The following NSD3 variants were observed in gnomAD, a reference collection of about 807,000 sequenced individuals.
NSD3 encodes histone-lysine N-methyltransferase NSD3.
A neutral mutation model predicts 160.8 loss-of-function variants in NSD3; 24 were observed. That is an observed-to-expected ratio of 0.15 (90% CI 0.11 to 0.21). The LOEUF (loss-of-function observed/expected upper bound fraction) is 0.21. Among genes scored for constraint, NSD3 ranks in the 10% least tolerant of loss-of-function variants. NSD3 has a pLI of 1.00. For synonymous variants in NSD3, 520 were observed against 600.0 expected, an observed-to-expected ratio of 0.87 and a Z score of 1.95; for missense variants, 1,157 against 1,735.9, an observed-to-expected ratio of 0.67 and a Z score of 5.93.
In NSD3 at chr8:38,317,385, C is replaced by CTAAAA. The variant is rs1357291229; in HGVS notation, c.1856-1348_1856-1344dup. ...CACCATCACAAAATATTTCCTTGGC[C>CTAAAA]TAAAAGATCACTGGATTAACAAGGA... On this transcript the variant is annotated intron_variant, in intron 9 of 23. Transcript: ENST00000317025. This position sits in a 1 kb window ranked among gnomAD's most constrained non-coding sequence, Gnocchi z 5.3. 9.5e-7 allele frequency: 1 copy of CTAAAA among 1,055,154 alleles called. No homozygotes were observed. 65.4% of individuals were successfully genotyped at this position (1,055,154 alleles called of 1,614,324 possible). A position where few individuals can be genotyped will look rare whatever the true frequency, so the allele number is the denominator to read the frequency against.
Position 38,316,690 on chromosome 8 carries a change from A to C in NSD3, c.1856-648T>G. ...AGAAGGCACATTGCTGAGGGCTGTA[A>C]ATGGACAATCAGTGTTCAAGTGCAG... is the stretch of plus-strand genomic sequence containing the variant. On this transcript the variant is annotated intron_variant, in intron 9 of 23. Coordinates refer to ENST00000317025, the MANE Select transcript of NSD3 (RefSeq NM_023034.2). The surrounding 1 kb of genome is among the most constrained non-coding windows in gnomAD (Gnocchi z 4.5). The C allele has an allele frequency of 2.8e-6, 3 of 1,055,522 alleles. No homozygotes were observed. The highest frequency in any genetic ancestry group is 3.4e-6 in the Non-Finnish European group (3 of 873,128). The allele number at this position is 1,055,522 out of a possible 1,614,324, so 65.4% of individuals were successfully genotyped here. A position where few individuals can be genotyped will look rare whatever the true frequency, so the allele number is the denominator to read the frequency against.
intron 1 of NSD3, among the ~76,000 whole-genome samples, chr8:38,353,235 A>T (rs1263562450): frequency 6.6e-6 from 1 of 152,164 alleles, no homozygotes; most frequent in Non-Finnish European, 1.5e-5. Flanking sequence ...AGCATACCAT[A>T]TTTACTGACA....
chr8:38,360,826 G>A (rs937623752), intron 1 of NSD3, among the ~76,000 whole-genome samples: 3 of 151,920 alleles, frequency 2.0e-5, no homozygotes, highest in Admixed American at 2.0e-4. Context: ...CCTCCAAGAC[G>A]TGAAGCAAAT....
intron 19 of NSD3, among the ~76,000 whole-genome samples, chr8:38,282,609 T>C (rs960540264): frequency 3.3e-5 from 5 of 152,118 alleles, no homozygotes; most frequent in African/African-American, 1.2e-4. Context: ...AGGTAGAGGC[T>C]GCAGAGGGCC....
chr8:38,329,238 A>G lies in NSD3; in HGVS notation c.1581+140T>C. On this transcript the variant is annotated intron_variant, in intron 6 of 23. Transcript: ENST00000317025. The surrounding 1 kb of genome is among the most constrained non-coding windows in gnomAD (Gnocchi z 4.8). ...GCCTTTTTGCCTGTCTTTTTTGCCC[A>G]CAGAGTACAATGACTGTATGTTTCA... 9.4e-7 allele frequency: 1 copy of G among 1,060,028 alleles called. No individual in the cohort carries two copies. Among genetic ancestry groups the G allele is most frequent in the Non-Finnish European group, 1.3e-6 (1 of 749,106 alleles). The allele number at this position is 1,060,028 out of a possible 1,614,324, so 65.7% of individuals were successfully genotyped here.
rs550419357 is a variant in NSD3 at position 38,289,623 on chromosome 8, G to C, written c.3119-118C>G. On this transcript the variant is annotated intron_variant, in intron 17 of 23. Transcript: ENST00000317025. ...ATCTGGCCTGAGATTTTTCTTTTTA[G>C]AATTATTTTCTGGAAGTTACTGTTT... 2.6e-4 allele frequency: 243 copies of C among 931,278 alleles called. No homozygotes were observed. The African/African-American group carries it at 3.7e-3, about 14-fold the overall frequency. 57.7% of individuals were successfully genotyped at this position (931,278 alleles called of 1,614,324 possible). A position where few individuals can be genotyped will look rare whatever the true frequency, so the allele number is the denominator to read the frequency against.
At chr8:38,284,092 G>T (rs1808799607) in intron 19 of NSD3, among the ~76,000 whole-genome samples, 1 of 152,054 alleles carries the variant, frequency 6.6e-6, no homozygotes, top group South Asian at 2.1e-4. Flanking sequence ...GACAGGGCAA[G>T]ACTGTTTCAA....
chr8:38,290,872 A>AAC (rs1364674825), intron 16 of NSD3, 195 bp from the exon 17 acceptor site: 5 of 499,144 alleles, frequency 1.0e-5, no homozygotes, highest in Non-Finnish European at 1.8e-5. Context: ...TTAGGCCCTA[A>AAC]ACACCTGATC....
At chr8:38,307,064 G>A (rs1160985105) in intron 12 of NSD3, among the ~76,000 whole-genome samples, 2 of 143,130 alleles carry the variant, frequency 1.4e-5, no homozygotes, top group African/African-American at 2.6e-5. Context: ...GCAGTGAGCC[G>A]AAATCGCGCC....
At chr8:38,293,764 A>G (rs902669468) in intron 16 of NSD3, among the ~76,000 whole-genome samples, 1 of 151,284 alleles carries the variant, frequency 6.6e-6, no homozygotes, top group African/African-American at 2.4e-5. Context: ...CTGTACTAAA[A>G]TTACAAAAAT....
At chr8:38,367,491 C>T (rs1055572225) in intron 1 of NSD3, among the ~76,000 whole-genome samples, 2 of 152,094 alleles carry the variant, frequency 1.3e-5, no homozygotes, top group Non-Finnish European at 1.5e-5. Flanking sequence ...GCAGGCAGAT[C>T]ACTTGAGGTC....
rs1405949886 is a variant in NSD3, at chr8:38,270,769, T to C, written c.*4872A>G. 6.6e-6 allele frequency: 1 copy of C among 152,226 alleles called. No individual in the cohort carries two copies. Among genetic ancestry groups the C allele is most frequent in the Non-Finnish European group, 1.5e-5 (1 of 68,044 alleles). The allele number at this position is 152,226 out of a possible 1,614,324, so 9.4% of individuals were successfully genotyped here. ...AAACTAAGGACTGAATAAATGACTT[T>C]GGCATCTATTCTATTTTCCCTTTTT... is the stretch of plus-strand genomic sequence containing the variant. On this transcript the variant is annotated 3_prime_UTR_variant, in exon 24 of 24. Transcript: ENST00000317025.
In NSD3 at chr8:38,347,844, C is replaced by T. The variant is rs1242307382; in HGVS notation, c.328G>A (p.Asp110Asn). The change falls in exon 2 of 24, where the codon GAC becomes AAC. Residue 110 changes from aspartate to asparagine, a missense_variant. Around this residue, in one of 10 missense-constraint regions of NSD3, gnomAD observed 121 missense variants for 177.2 expected, o/e 0.68. Transcript: ENST00000317025. ...TTTGGAATTTCTGAATGATAATAGT[C>T]AGTGGGGCTAAAGTTTCTAACTGCA... ...FGAVRNFSPT[D>N]YYHSEIPNTR... The T allele has an allele frequency of 3.1e-6, 5 of 1,614,022 alleles. No individual in the cohort carries two copies. The Admixed American group carries it at 5.0e-5, about 16-fold the overall frequency.
intron 12 of NSD3, among the ~76,000 whole-genome samples, chr8:38,306,827 A>G (rs1809405767): frequency 6.6e-6 from 1 of 152,166 alleles, no homozygotes; most frequent in African/African-American, 2.4e-5. Context: ...TAAAACAGAA[A>G]AAAACGGCCA....
intron 16 of NSD3, among the ~76,000 whole-genome samples, chr8:38,295,562 A>G (rs535280830): frequency 6.6e-6 from 1 of 152,280 alleles, no homozygotes; most frequent in East Asian, 1.9e-4. Context: ...CCTCACAAAC[A>G]ATCAACCAAC....
intron 1 of NSD3, among the ~76,000 whole-genome samples, chr8:38,362,849 A>T (rs1001773484): frequency 6.6e-5 from 10 of 152,264 alleles, no homozygotes; most frequent in African/African-American, 2.2e-4. Flanking sequence ...ACTGTAGAAC[A>T]TAACACATGA....
In NSD3 at chr8:38,323,365, GT is replaced by G. The variant is rs1809836463; in HGVS notation, c.1709-2194del. On this transcript the variant is annotated intron_variant, in intron 7 of 23. Transcript: ENST00000317025. The stretch of plus-strand genomic sequence containing the variant: ...GCCACCATACCTGGCCCTAAATTAA[GT>G]TTTCAATCTTAATTTACAACCTAAA... Among the ~76,000 whole-genome samples, 8 of 152,092 alleles carry G rather than the reference GT, an allele frequency of 5.3e-5. No individual in the cohort carries two copies. In the South Asian group the frequency reaches 1.2e-3, roughly 24 times the overall value.
Position 38,288,382 on chromosome 8 carries a change from A to G in NSD3, c.3501+105T>C. 1 of 1,462,186 alleles carries G rather than the reference A, an allele frequency of 6.8e-7. No homozygotes were observed. The highest frequency in any genetic ancestry group is 9.2e-7 in the Non-Finnish European group (1 of 1,089,442). 90.6% of individuals were successfully genotyped at this position (1,462,186 alleles called of 1,614,324 possible). A position where few individuals can be genotyped will look rare whatever the true frequency, so the allele number is the denominator to read the frequency against. The stretch of plus-strand genomic sequence containing the variant: ...TCAACATGGAAAGTTTTAACATTTT[A>G]CCACAAATTCCTGCTGATTTTATCC... On this transcript the variant is annotated intron_variant, in intron 19 of 23. Transcript: ENST00000317025. This position sits in a 1 kb window ranked among gnomAD's most constrained non-coding sequence, Gnocchi z 4.5.
In NSD3 at chr8:38,343,602, C is replaced by T. The variant is rs1213474612; in HGVS notation, c.675+3895G>A. Among the ~76,000 whole-genome samples the T allele has an allele frequency of 3.3e-5, 5 of 152,222 alleles. No individual in the cohort carries two copies. The East Asian group carries it at 9.7e-4, about 29-fold the overall frequency. ...CCTGTAATCCCAGCTACTGAGGAGG[C>T]TGAGGCAGGATAATCGCTTGAATCC... On this transcript the variant is annotated intron_variant, in intron 2 of 23. Coordinates refer to ENST00000317025, the MANE Select transcript of NSD3 (RefSeq NM_023034.2).
Sources: gnomAD v4.1 joint callset for allele counts (sites outside exome capture counted in the v4.1 genomes callset) on GRCh38, gnomAD v4.1.1 for gene constraint, gnomAD v4.1.1 regional missense constraint, Gnocchi (gnomAD v3.1) non-coding constraint, MANE v1.5 for transcripts, NCBI Gene and HGNC (gene_info 2026-07-23, HGNC 2026-07-21) for gene names.